Variants in WWOX observed in about 807,000 individuals in gnomAD.
WWOX encodes the protein WW domain-containing oxidoreductase.
In WWOX, 69 loss-of-function variants were observed where a neutral mutation model predicts 46.2. That is an observed-to-expected ratio of 1.49 (90% CI 1.23 to 1.82). WWOX has a LOEUF of 1.82. Ranked by LOEUF, WWOX falls within the 40% of genes most tolerant of loss-of-function variation. The pLI, the probability that WWOX is intolerant of heterozygous loss-of-function variation, is 0.00. For missense variants in WWOX, 919 were observed against 542.6 expected, an observed-to-expected ratio of 1.69 and a Z score of -6.89; for synonymous variants, 359 against 202.6, an observed-to-expected ratio of 1.77 and a Z score of -6.56.
intron 8 of WWOX, among the ~76,000 whole-genome samples, chr16:78,447,295 G>C (rs1467029036): frequency 1.3e-5 from 2 of 151,940 alleles, no homozygotes; most frequent in African/African-American, 2.4e-5. Flanking sequence ...TTTTAATACT[G>C]TAATAAATTT....
At chr16:78,923,387 T>C (rs2045424517) in intron 8 of WWOX, among the ~76,000 whole-genome samples, 1 of 152,176 alleles carries the variant, frequency 6.6e-6, no homozygotes, top group South Asian at 2.1e-4. Flanking sequence ...ATTCTAAAAA[T>C]AGAGCAGTCA....
chr16:78,841,327 T>C lies in WWOX; in HGVS notation c.1057-370281T>C, dbSNP rs2052143580. Among the ~76,000 whole-genome samples, 10 of 152,310 alleles carry C rather than the reference T, an allele frequency of 6.6e-5. No homozygotes were observed. In the South Asian group the frequency reaches 2.1e-3, roughly 32 times the overall value. On this transcript the variant is annotated intron_variant, in intron 8 of 8. Coordinates refer to ENST00000566780, the MANE Select transcript of WWOX (RefSeq NM_016373.4). ...TGTGATCTGTCTACATATGTAGCTG[T>C]TTGTATTCATGGTGATTAAATAGTT... is the stretch of plus-strand genomic sequence containing the variant.
At chr16:78,138,644 A>G (rs544195831) in intron 4 of WWOX, among the ~76,000 whole-genome samples, 2 of 152,300 alleles carry the variant, frequency 1.3e-5, no homozygotes, top group South Asian at 2.1e-4. Context: ...TCCTTTCTGC[A>G]TGGTCATAAA....
At chr16:78,762,874 GA>G (rs1203167234) in intron 8 of WWOX, among the ~76,000 whole-genome samples, 1 of 152,142 alleles carries the variant, frequency 6.6e-6, no homozygotes, top group East Asian at 1.9e-4. Context: ...TACTTTGAAG[GA>G]CTCATGGTAG....
At chr16:78,735,394 AACACACACACACAC>A (rs35975130) in intron 8 of WWOX, among the ~76,000 whole-genome samples, 2 of 121,276 alleles carry the variant, frequency 1.6e-5, no homozygotes. Flanking sequence ...ACCACACACA[AACACACACACACAC>A]ACACACACAC....
intron 5 of WWOX, among the ~76,000 whole-genome samples, chr16:78,384,830 A>G (rs1409895037): frequency 6.6e-6 from 1 of 151,238 alleles, no homozygotes; most frequent in Non-Finnish European, 1.5e-5. Flanking sequence ...ACTTTCTACC[A>G]CCTTTCCTTA....
At chr16:78,852,236 G>T (rs1212145197) in intron 8 of WWOX, among the ~76,000 whole-genome samples, 1 of 152,152 alleles carries the variant, frequency 6.6e-6, no homozygotes, top group Non-Finnish European at 1.5e-5. Context: ...TCACTTCCTG[G>T]GTTTTACATT....
At chr16:78,460,645 C>G (rs961940915) in intron 8 of WWOX, among the ~76,000 whole-genome samples, 33 of 152,194 alleles carry the variant, frequency 2.2e-4, no homozygotes, top group Non-Finnish European at 4.4e-5. Flanking sequence ...TGGCCTGTGG[C>G]AGACGTGTCC....
chr16:78,308,906 C>G (rs905167875), intron 5 of WWOX, among the ~76,000 whole-genome samples: 1 of 152,130 alleles, frequency 6.6e-6, no homozygotes, highest in African/African-American at 2.4e-5. Flanking sequence ...CATCGCCACC[C>G]AAAATCAGAC....
At chr16:78,193,680 A>G (rs946387966) in intron 5 of WWOX, among the ~76,000 whole-genome samples, 5 of 152,152 alleles carry the variant, frequency 3.3e-5, no homozygotes, top group African/African-American at 4.8e-5. Flanking sequence ...TTTCAACACC[A>G]TATGGGTATG....
At chr16:78,671,283 G>A (rs1030279840) in intron 8 of WWOX, among the ~76,000 whole-genome samples, 1 of 152,114 alleles carries the variant, frequency 6.6e-6, no homozygotes, top group Non-Finnish European at 1.5e-5. Context: ...AAATGAGCCG[G>A]GTGTGGTGGG....
intron 5 of WWOX, among the ~76,000 whole-genome samples, chr16:78,354,380 A>G (rs1025935887): frequency 2.1e-5 from 3 of 143,566 alleles, no homozygotes; most frequent in African/African-American, 5.5e-5. Context: ...CATATTGTCA[A>G]ATGACTTTCC....
At chr16:78,357,803 C>G (rs1215558001) in intron 5 of WWOX, among the ~76,000 whole-genome samples, 1 of 152,170 alleles carries the variant, frequency 6.6e-6, no homozygotes, top group African/African-American at 2.4e-5. Context: ...TCCCATTTCA[C>G]CCGATCCCTG....
intron 8 of WWOX, among the ~76,000 whole-genome samples, chr16:78,972,362 C>G (rs1439542199): frequency 1.3e-5 from 2 of 151,828 alleles, no homozygotes; most frequent in East Asian, 3.9e-4. Context: ...GAAGTGAGCG[C>G]CGTGTATTTC....
intron 5 of WWOX, among the ~76,000 whole-genome samples, chr16:78,337,493 A>T (rs150679737): frequency 6.6e-6 from 1 of 152,256 alleles, no homozygotes; most frequent in African/African-American, 2.4e-5. Context: ...ATTATTAACT[A>T]GTCTATAGTT....
intron 8 of WWOX, among the ~76,000 whole-genome samples, chr16:79,088,505 G>C (rs1192776388): frequency 1.3e-5 from 2 of 152,184 alleles, no homozygotes; most frequent in Admixed American, 6.5e-5. Context: ...AGTCTTATCT[G>C]GGCCGCTGCA....
chr16:78,785,205 C>G (rs1049603487), intron 8 of WWOX, among the ~76,000 whole-genome samples: 4 of 152,190 alleles, frequency 2.6e-5, no homozygotes, highest in South Asian at 2.1e-4. Flanking sequence ...GTGTCTTTTG[C>G]TAGCAGGCGC....
At chr16:79,048,487 T>A (rs1474360286) in intron 8 of WWOX, among the ~76,000 whole-genome samples, 3 of 152,138 alleles carry the variant, frequency 2.0e-5, no homozygotes. Context: ...GTGCTTTGTC[T>A]TGGTGCTTCG....
chr16:78,429,097 G>C (rs2083156051), intron 7 of WWOX, among the ~76,000 whole-genome samples: 1 of 152,144 alleles, frequency 6.6e-6, no homozygotes, highest in African/African-American at 2.4e-5. Flanking sequence ...TCCTTACTAT[G>C]TGTCAGGCAC....
Sources: allele counts gnomAD v4.1 joint callset (sites outside exome capture counted in the v4.1 genomes callset), GRCh38; gene constraint gnomAD v4.1.1; transcripts MANE v1.5; gene names NCBI Gene and HGNC (gene_info 2026-07-23, HGNC 2026-07-21).